The following POLR1C variants were observed in gnomAD, a reference collection of about 807,000 sequenced individuals.
The protein encoded by POLR1C is DNA-directed RNA polymerases I and III subunit RPAC1.
POLR1C carries 42 observed loss-of-function variants against 38.3 expected under a neutral mutation model. That is an observed-to-expected ratio of 1.10 (90% CI 0.86 to 1.42). The LOEUF is 1.42. POLR1C is among the 40% of genes most tolerant of loss of function. The probability of loss-of-function intolerance (pLI) is 0.00; values close to 1 mark genes in which losing one functional copy is unlikely to be tolerated. For synonymous variants in POLR1C, 163 were observed against 163.9 expected (o/e 0.99, Z 0.04); for missense variants, 507 against 450.5 (o/e 1.13, Z -1.14).
downstream of POLR1C, chr6:43,533,701 T>C: frequency 6.1e-6 from 2 of 327,900 alleles, no homozygotes; most frequent in South Asian, 6.2e-5. Context: ...CGTCTGGCGT[T>C]GTGATCTGCC....
chr6:43,548,279 A>T (rs773017671), intron 9 of POLR1C: 2 of 1,610,446 alleles, frequency 1.2e-6, no homozygotes, highest in African/African-American at 2.7e-5. Flanking sequence ...GTCTTGAGAA[A>T]GCCAGATGCT....
downstream of POLR1C, among the ~76,000 whole-genome samples, chr6:43,530,269 T>C (rs1445899143): frequency 6.6e-6 from 1 of 150,398 alleles, no homozygotes; most frequent in Non-Finnish European, 1.5e-5. Context: ...AAAATAGGAA[T>C]AAAAATCAGC....
At chr6:43,523,889 C>T (rs1582188921), downstream of POLR1C, 1 of 1,614,020 alleles carries the variant, frequency 6.2e-7, no homozygotes, top group Admixed American at 1.7e-5. Context: ...AGATGGTGGC[C>T]AGGCCACCCC....
chr6:43,558,321 T>C (rs773614053), intron 10 of POLR1C, among the ~76,000 whole-genome samples: 7 of 151,972 alleles, frequency 4.6e-5, no homozygotes, highest in Non-Finnish European at 7.4e-5. Context: ...TAAAACAAAA[T>C]ATTATGCCTG....
intron 10 of POLR1C, among the ~76,000 whole-genome samples, chr6:43,556,695 T>C (rs928894809): frequency 3.3e-5 from 5 of 152,180 alleles, no homozygotes; most frequent in Admixed American, 6.6e-5. Flanking sequence ...CAAAAACTTA[T>C]ATCTAAACAA....
intron 8 of POLR1C, chr6:43,527,560 C>T: frequency 6.7e-7 from 1 of 1,488,388 alleles, no homozygotes; most frequent in African/African-American, 1.4e-5. Context: ...GTCAGGCCTT[C>T]ATGGAGTTGG....
chr6:43,521,703 G>A (rs530784493), downstream of POLR1C, among the ~76,000 whole-genome samples: 1 of 152,210 alleles, frequency 6.6e-6, no homozygotes, highest in South Asian at 2.1e-4. Context: ...CTAATTTTTT[G>A]TATTTTTAGT....
At chr6:43,559,932 T>G (rs1278841839) in intron 10 of POLR1C, among the ~76,000 whole-genome samples, 1 of 152,150 alleles carries the variant, frequency 6.6e-6, no homozygotes, top group East Asian at 1.9e-4. Context: ...CCTCCCACCT[T>G]AAGCCTCCCC....
intron 9 of POLR1C, among the ~76,000 whole-genome samples, chr6:43,537,803 A>G (rs531616170): frequency 1.3e-5 from 2 of 152,316 alleles, no homozygotes; most frequent in Admixed American, 6.5e-5. Flanking sequence ...ATGGTAGCTC[A>G]CGGCTGTAAT....
At chr6:43,524,648 G>C, downstream of POLR1C, 1 of 1,611,988 alleles carries the variant, frequency 6.2e-7, no homozygotes, top group Non-Finnish European at 8.5e-7. Flanking sequence ...GATATCAGCA[G>C]GGATAAACTT....
rs1030307705 is a variant in POLR1C at position 43,539,672 on chromosome 6, G to C, written c.*4+10313G>C. 7.8e-6 allele frequency: 8 copies of C among 1,030,784 alleles called. No homozygotes were observed. In the African/African-American group the frequency reaches 1.1e-4, roughly 14 times the overall value. The allele number at this position is 1,030,784 out of a possible 1,614,324, so 63.9% of individuals were successfully genotyped here. A position where few individuals can be genotyped will look rare whatever the true frequency, so the allele number is the denominator to read the frequency against. ...CATCCCAGGGCCACCAGGGCCTCCAGGCCCCCCCACTGCACCGGCGTCATC... is the reference window on the plus strand; with the variant it reads ...CATCCCAGGGCCACCAGGGCCTCCACGCCCCCCCACTGCACCGGCGTCATC... On this transcript the variant is annotated intron_variant, in intron 9 of 10. Coordinates refer to the POLR1C transcript ENST00000607635.
intron 9 of POLR1C, among the ~76,000 whole-genome samples, chr6:43,540,354 C>T (rs1266379424): frequency 1.3e-5 from 2 of 152,212 alleles, no homozygotes; most frequent in Non-Finnish European, 2.9e-5. Flanking sequence ...TGGCGGGCAC[C>T]TGTAGTCCCA....
At chr6:43,544,295 T>C (rs906717777) in intron 9 of POLR1C, 1 of 156,122 alleles carries the variant, frequency 6.4e-6, no homozygotes, top group Non-Finnish European at 1.4e-5. Flanking sequence ...ATTGTCTTTC[T>C]ATAGAAAATA....
At chr6:43,526,401 T>C, downstream of POLR1C, 1 of 465,850 alleles carries the variant, frequency 2.1e-6, no homozygotes. Context: ...TTTTGATAGG[T>C]TGGTCATGGA....
chr6:43,536,963 GTTTTGTT>G (rs746203912), intron 9 of POLR1C, among the ~76,000 whole-genome samples: 67 of 151,272 alleles, frequency 4.4e-4, no homozygotes, highest in Non-Finnish European at 7.4e-4. Flanking sequence ...ATTGATTTTT[GTTTTGTT>G]TTTTGTTTTT....
rs1235481962 is a variant in POLR1C at position 43,520,170 on chromosome 6, T to C, written c.487T>C (p.Tyr163His). ...AGATTCCTCTGACCCCAACGAACTG[T>C]ACGTGAACCACAAAGGTGAGTAGTG... is the stretch of plus-strand genomic sequence containing the variant. ...AKDSSDPNELYVNHKVYTRHM... is the reference protein window; with the variant it reads ...AKDSSDPNELHVNHKVYTRHM... The change falls in exon 5 of 9, where the codon TAC becomes CAC. Residue 163 changes from tyrosine to histidine, a missense_variant. Coordinates refer to ENST00000642195, the MANE Select transcript of POLR1C (RefSeq NM_203290.4). 1.9e-6 allele frequency: 3 copies of C among 1,614,210 alleles called. No homozygotes were observed. Among genetic ancestry groups the C allele is most frequent in the Non-Finnish European group, 2.5e-6 (3 of 1,180,040 alleles).
At chr6:43,531,277 T>C (rs77016616), downstream of POLR1C, among the ~76,000 whole-genome samples, 4,987 of 152,272 alleles carry the variant, frequency 0.033, 268 homozygotes, top group African/African-American at 0.11. Flanking sequence ...CAGGCTGGGA[T>C]TGTGAGGCTC....
At position 43,520,960 on chromosome 6, in the gene POLR1C, C is replaced by T. The variant is rs1269718623; in HGVS notation, c.834C>T (p.Pro278=). ...QGKKVARVAN[P]RLDTFSREIF... ...AAAAGGTGGCCAGAGTTGCCAACCCCCGGCTGGATACCTTCAGCAGAGAAA... is the reference window on the plus strand; with the variant it reads ...AAAAGGTGGCCAGAGTTGCCAACCCTCGGCTGGATACCTTCAGCAGAGAAA... Residue 278 remains proline (P), a synonymous_variant, in exon 8 of 9, where the codon CCC becomes CCT. Transcript: ENST00000642195. 6.2e-7 allele frequency: 1 copy of T among 1,614,016 alleles called. No homozygotes were observed. Among genetic ancestry groups the T allele is most frequent in the Non-Finnish European group, 8.5e-7 (1 of 1,180,018 alleles).
chr6:43,533,927 G>A (rs35794454), downstream of POLR1C: 129 of 1,604,178 alleles, frequency 8.0e-5, no homozygotes, highest in African/African-American at 4.8e-4. Flanking sequence ...AGATTTTTCC[G>A]CGTCAAGCAT....
Sources: gnomAD v4.1 joint callset for allele counts (sites outside exome capture counted in the v4.1 genomes callset) on GRCh38, gnomAD v4.1.1 for gene constraint, MANE v1.5 for transcripts, NCBI Gene and HGNC (gene_info 2026-07-23, HGNC 2026-07-21) for gene names.